BMPER: variants seen among roughly 807,000 people sequenced by gnomAD.
BMPER encodes the protein BMP binding endothelial regulator.
Under a neutral mutation model 87.3 loss-of-function variants are expected in BMPER, and 45 were observed. The observed-to-expected ratio is 0.52, with a 90% CI of 0.41 to 0.66. The LOEUF (loss-of-function observed/expected upper bound fraction) is 0.66, where lower values mean the gene tolerates loss of function less well. BMPER is among the 30% of genes least tolerant of loss of function. The pLI, the probability that BMPER is intolerant of heterozygous loss-of-function variation, is 0.00. For missense variants in BMPER, 784 were observed against 867.5 expected, an observed-to-expected ratio of 0.90 and a Z score of 1.21; for synonymous variants, 326 against 316.2, an observed-to-expected ratio of 1.03 and a Z score of -0.33.
chr7:34,050,840 C>G (rs1475415499), intron 7 of BMPER, among the ~76,000 whole-genome samples: 1 of 152,092 alleles, frequency 6.6e-6, no homozygotes, highest in Non-Finnish European at 1.5e-5. Context: ...TAGGGAAAAC[C>G]AAGCCAGTTC....
At chr7:34,085,721 G>A (rs371876122) in intron 12 of BMPER, 35 bp from the exon 13 acceptor site, 153 of 1,556,828 alleles carry the variant, frequency 9.8e-5, no homozygotes, top group Non-Finnish European at 1.3e-4. Flanking sequence ...GCGTTAATGA[G>A]TGATTGATTT....
chr7:34,042,515 G>C (rs1787858154), intron 6 of BMPER, among the ~76,000 whole-genome samples: 1 of 152,104 alleles, frequency 6.6e-6, no homozygotes, highest in South Asian at 2.1e-4. Context: ...TTTCCTTTTT[G>C]ATGTATTAAC....
chr7:33,990,094 T>C (rs1289992804), intron 6 of BMPER, among the ~76,000 whole-genome samples: 1 of 151,562 alleles, frequency 6.6e-6, no homozygotes, highest in Admixed American at 6.6e-5. Flanking sequence ...GACTTGGCGA[T>C]GCAGGCTCTT....
chr7:33,985,962 C>T lies in BMPER; in HGVS notation c.576+11178C>T, dbSNP rs74945637. Among the ~76,000 whole-genome samples, 88 of 152,212 alleles carry T rather than the reference C, an allele frequency of 5.8e-4. No individual in the cohort carries two copies. In the East Asian group the frequency reaches 0.017, roughly 29 times the overall value. Reference sequence around the variant, plus strand: ...TCCCATGTCTTCTTCCAATCTTTACCCCTCAAATCTTGATCCAAATATATT... The same window carrying T: ...TCCCATGTCTTCTTCCAATCTTTACTCCTCAAATCTTGATCCAAATATATT... On this transcript the variant is annotated intron_variant, in intron 6 of 14. Transcript: ENST00000649409.
At chr7:33,928,770 TCCTTATTAATCCCCCATTG>T (rs964208778) in intron 2 of BMPER, among the ~76,000 whole-genome samples, 1 of 150,878 alleles carries the variant, frequency 6.6e-6, no homozygotes, top group African/African-American at 2.4e-5. Context: ...CAGAAGGGCC[TCCTTATTAATCCCCCATTG>T]CCTCTGCTGG....
chr7:34,134,712 C>T (rs1051704619), intron 13 of BMPER, among the ~76,000 whole-genome samples: 9 of 152,042 alleles, frequency 5.9e-5, no homozygotes, highest in African/African-American at 1.9e-4. Context: ...ATTAGATGGG[C>T]GAGAATTTAA....
chr7:34,027,610 C>T (rs542846125), intron 6 of BMPER, among the ~76,000 whole-genome samples: 1 of 152,122 alleles, frequency 6.6e-6, no homozygotes, highest in South Asian at 2.1e-4. Flanking sequence ...CATGGAATTC[C>T]ATTTTTACTT....
At chr7:34,060,002 A>C (rs1185360296) in intron 10 of BMPER, among the ~76,000 whole-genome samples, 2 of 151,924 alleles carry the variant, frequency 1.3e-5, no homozygotes, top group Non-Finnish European at 2.9e-5. Context: ...CTCCATCTCT[A>C]ATACGTACTG....
intron 13 of BMPER, among the ~76,000 whole-genome samples, chr7:34,133,166 A>T (rs545229981): frequency 3.3e-5 from 5 of 151,998 alleles, no homozygotes; most frequent in Non-Finnish European, 7.4e-5. Context: ...CAGCCTCAGG[A>T]TGGAGAGGGG....
intron 2 of BMPER, among the ~76,000 whole-genome samples, chr7:33,910,511 G>A (rs1449407455): frequency 6.6e-6 from 1 of 152,234 alleles, no homozygotes; most frequent in Non-Finnish European, 1.5e-5. Context: ...GAGCCAGTGA[G>A]TTGGGCCCAG....
intron 2 of BMPER, among the ~76,000 whole-genome samples, chr7:33,927,688 C>T (rs987224402): frequency 6.6e-6 from 1 of 152,042 alleles, no homozygotes; most frequent in African/African-American, 2.4e-5. Context: ...TACCCCCACT[C>T]CCCACTCCCT....
intron 6 of BMPER, 46 bp downstream of exon 6, chr7:33,974,830 ACTT>A: frequency 6.4e-7 from 1 of 1,572,614 alleles, no homozygotes; most frequent in Non-Finnish European, 8.7e-7. Flanking sequence ...TGGGCAAAGC[ACTT>A]CTTGTACTCA....
intron 11 of BMPER, among the ~76,000 whole-genome samples, chr7:34,064,243 A>G (rs902797354): frequency 3.3e-5 from 5 of 151,740 alleles, no homozygotes; most frequent in Non-Finnish European, 7.4e-5. Context: ...GTGAACCAAG[A>G]TCATGCCACT....
At chr7:34,048,953 A>C (rs1788066987) in intron 7 of BMPER, among the ~76,000 whole-genome samples, 1 of 152,186 alleles carries the variant, frequency 6.6e-6, no homozygotes, top group Non-Finnish European at 1.5e-5. Flanking sequence ...ACATCCCCAC[A>C]CAGCAAGAAA....
At position 34,015,479 on chromosome 7, in the gene BMPER, G is replaced by A. The variant is rs1283364952; in HGVS notation, c.577-30827G>A. Among the ~76,000 whole-genome samples the A allele has an allele frequency of 3.3e-5, 5 of 152,018 alleles. No homozygotes were observed. In the East Asian group the frequency reaches 9.8e-4, roughly 30 times the overall value. On this transcript the variant is annotated intron_variant, in intron 6 of 14. Transcript: ENST00000649409. Reference sequence around the variant, plus strand: ...CTATTGGAATTTGAGGTTAGGGAGGGATGATTACTGTTCCTAATAGCTGGC... The same window carrying A: ...CTATTGGAATTTGAGGTTAGGGAGGAATGATTACTGTTCCTAATAGCTGGC...
chr7:34,055,202 G>C lies in BMPER; in HGVS notation c.826G>C (p.Gly276Arg), dbSNP rs1194313741. ...TTGCAAGAGGAAGTGCTCCCACCCTGGTGGCTGTGACCAAGGCCAGGAGGG... is the reference window on the plus strand; with the variant it reads ...TTGCAAGAGGAAGTGCTCCCACCCTCGTGGCTGTGACCAAGGCCAGGAGGG... ...VVCKRKCSHP[G>R]GCDQGQEGCC... Residue 276 changes from glycine to arginine, a missense_variant, in exon 9 of 15, where the codon GGT becomes CGT. Coordinates refer to ENST00000649409, the MANE Select transcript of BMPER (RefSeq NM_001365308.1). 1 of 1,614,134 alleles carries C rather than the reference G, an allele frequency of 6.2e-7. No homozygotes were observed.
chr7:33,972,451 T>G (rs141578730), intron 5 of BMPER, among the ~76,000 whole-genome samples: 81 of 152,290 alleles, frequency 5.3e-4, no homozygotes, highest in African/African-American at 1.9e-3. Flanking sequence ...TTCCACTCTC[T>G]TTTTGGTTGA....
At chr7:34,081,819 A>G (rs1477363744) in intron 12 of BMPER, among the ~76,000 whole-genome samples, 1 of 152,186 alleles carries the variant, frequency 6.6e-6, no homozygotes, top group Non-Finnish European at 1.5e-5. Flanking sequence ...ATTTGAATAG[A>G]AAAACTATCA....
intron 6 of BMPER, among the ~76,000 whole-genome samples, chr7:34,012,482 G>A (rs146508841): frequency 6.5e-4 from 99 of 151,916 alleles, no homozygotes; most frequent in African/African-American, 2.2e-3. Context: ...TATTTAAGCT[G>A]TCTGCCAAAA....
Sources: allele counts gnomAD v4.1 joint callset (sites outside exome capture counted in the v4.1 genomes callset), GRCh38; gene constraint gnomAD v4.1.1; transcripts MANE v1.5; gene names NCBI Gene and HGNC (gene_info 2026-07-23, HGNC 2026-07-21).